Variants in CLK4 observed in about 807,000 individuals in gnomAD.
CLK4 encodes the protein CDC like kinase 4.
CLK4 carries 37 observed loss-of-function variants against 64.4 expected under a neutral mutation model. The observed-to-expected ratio is 0.57, with a 90% CI of 0.44 to 0.76. The LOEUF (loss-of-function observed/expected upper bound fraction) is 0.76, where lower values mean the gene tolerates loss of function less well. CLK4 is among the 30% of genes least tolerant of loss of function. The pLI is 0.00. For missense variants in CLK4, 457 were observed against 605.1 expected, an observed-to-expected ratio of 0.76 and a Z score of 2.57; for synonymous variants, 175 against 191.6, an observed-to-expected ratio of 0.91 and a Z score of 0.72.
At chr5:178,615,303 T>C (rs1437790072) in intron 5 of CLK4, among the ~76,000 whole-genome samples, 2 of 152,230 alleles carry the variant, frequency 1.3e-5, no homozygotes, top group African/African-American at 4.8e-5. Flanking sequence ...AGTCTGCAGA[T>C]TAGTTGGCAA....
At chr5:178,625,691 T>A (rs1764769533) in intron 1 of CLK4, among the ~76,000 whole-genome samples, 1 of 152,156 alleles carries the variant, frequency 6.6e-6, no homozygotes, top group Non-Finnish European at 1.5e-5. Context: ...CCAGCTAACC[T>A]CCAGCAAAAC....
intron 2 of CLK4, chr5:178,620,141 C>T (rs1764689802): frequency 1.7e-5 from 5 of 299,896 alleles, no homozygotes; most frequent in South Asian, 1.5e-4. Context: ...TTCTCTTTCC[C>T]TAGCATCAGC....
In CLK4 at chr5:178,618,381, G is replaced by C. The variant is rs1162481907; in HGVS notation, c.384+175C>G. ...ATGAGGGCTAGCTAATAAATATACA[G>C]ATCAGCTACAAGAATTTGGAGGTTT... On this transcript the variant is annotated intron_variant, in intron 3 of 12. Coordinates refer to ENST00000316308, the MANE Select transcript of CLK4 (RefSeq NM_020666.3). 1.7e-5 allele frequency: 4 copies of C among 237,242 alleles called. No homozygotes were observed. The East Asian group carries it at 3.4e-4, about 20-fold the overall frequency. 14.7% of individuals were successfully genotyped at this position (237,242 alleles called of 1,614,324 possible). A position where few individuals can be genotyped will look rare whatever the true frequency, so the allele number is the denominator to read the frequency against.
At position 178,603,525 on chromosome 5, in the gene CLK4, T is replaced by C. The variant is rs568326359; in HGVS notation, c.*92A>G. On this transcript the variant is annotated 3_prime_UTR_variant, in exon 13 of 13. Coordinates refer to ENST00000316308, the MANE Select transcript of CLK4 (RefSeq NM_020666.3). Reference sequence around the variant, plus strand: ...CACTTAACTGTACAAAATAATTTAATGTTTACAAAAATATTAGAATGTTTA... The same window carrying C: ...CACTTAACTGTACAAAATAATTTAACGTTTACAAAAATATTAGAATGTTTA... 323 of 890,788 alleles carry C rather than the reference T, an allele frequency of 3.6e-4. 4 individuals carry two copies. In the South Asian group the frequency reaches 8.6e-3, roughly 24 times the overall value. The allele number at this position is 890,788 out of a possible 1,614,324, so 55.2% of individuals were successfully genotyped here. A position where few individuals can be genotyped will look rare whatever the true frequency, so the allele number is the denominator to read the frequency against.
intron 10 of CLK4, among the ~76,000 whole-genome samples, chr5:178,607,918 C>A (rs1347016119): frequency 6.6e-6 from 1 of 152,156 alleles, no homozygotes; most frequent in Non-Finnish European, 1.5e-5. Context: ...GTCTCTTCAC[C>A]TTTATGTACT....
chr5:178,603,771 G>A lies in CLK4; in HGVS notation c.1306-14C>T, dbSNP rs753676203. ...AAGCATAAATTCCTGGGGGAGAAAT[G>A]TTTTTGTTTTAAAAAAAATTATTAA... is the stretch of plus-strand genomic sequence containing the variant. On this transcript the variant is annotated splice_polypyrimidine_tract_variant and intron_variant, in intron 12 of 12. Coordinates refer to ENST00000316308, the MANE Select transcript of CLK4 (RefSeq NM_020666.3). 3.2e-6 allele frequency: 5 copies of A among 1,579,246 alleles called. No homozygotes were observed. In the African/African-American group the frequency reaches 4.1e-5, roughly 13 times the overall value.
chr5:178,606,571 C>T (rs1397686285), intron 10 of CLK4, among the ~76,000 whole-genome samples: 1 of 152,162 alleles, frequency 6.6e-6, no homozygotes, highest in Non-Finnish European at 1.5e-5. Context: ...GCTGGGATCT[C>T]CAGCCCCTCT....
At chr5:178,607,023 G>C (rs767497411) in intron 10 of CLK4, among the ~76,000 whole-genome samples, 74 of 150,988 alleles carry the variant, frequency 4.9e-4, no homozygotes, top group Non-Finnish European at 7.2e-4. Flanking sequence ...GAGTGGAAAA[G>C]AAAGTAGAGT....
chr5:178,603,862 TCTC>T lies in CLK4; in HGVS notation c.1284_1286del (p.Arg430del), dbSNP rs779820769. On this transcript the variant is annotated inframe_deletion, in exon 12 of 13. Transcript: ENST00000316308. Reference sequence around the variant, plus strand: ...CTTTTACCTTCAACGGTTTGCAGCGTCTCCTAACATATCTACCAGCAGAACTGT... The same window carrying T: ...CTTTTACCTTCAACGGTTTGCAGCGTCTAACATATCTACCAGCAGAACTGT... 6.2e-7 allele frequency: 1 copy of T among 1,610,228 alleles called. No homozygotes were observed. The highest frequency in any genetic ancestry group is 8.5e-7 in the Non-Finnish European group (1 of 1,179,010).
In CLK4 at chr5:178,617,020, T is replaced by G; in HGVS notation, c.476-72A>C. On this transcript the variant is annotated intron_variant, in intron 4 of 12. Transcript: ENST00000316308. The surrounding 1 kb of genome is among the most constrained non-coding windows in gnomAD (Gnocchi z 5.2). The stretch of plus-strand genomic sequence containing the variant: ...GTCTAGTTCTTCAAACAATGAATGC[T>G]TAAGTGTGGAATATTTTCAAATGAT... 1 of 987,536 alleles carries G rather than the reference T, an allele frequency of 1.0e-6. No homozygotes were observed. Among genetic ancestry groups the G allele is most frequent in the Non-Finnish European group, 1.6e-6 (1 of 623,834 alleles). 61.2% of individuals were successfully genotyped at this position (987,536 alleles called of 1,614,324 possible).
intron 9 of CLK4, among the ~76,000 whole-genome samples, chr5:178,609,956 C>T (rs988209176): frequency 6.6e-6 from 1 of 151,790 alleles, no homozygotes; most frequent in African/African-American, 2.4e-5. Context: ...CCTATTAACA[C>T]ATACAAAATC....
At chr5:178,625,834 C>A (rs1764771873) in intron 1 of CLK4, among the ~76,000 whole-genome samples, 1 of 152,230 alleles carries the variant, frequency 6.6e-6, no homozygotes, top group East Asian at 1.9e-4. Flanking sequence ...TGACCTCCCC[C>A]ACTCACCCTG....
At chr5:178,626,576 T>G (rs1468114349) in intron 1 of CLK4, among the ~76,000 whole-genome samples, 1 of 152,198 alleles carries the variant, frequency 6.6e-6, no homozygotes, top group South Asian at 2.1e-4. Context: ...AGACTTGATC[T>G]CCGACAACAC....
intron 2 of CLK4, chr5:178,619,912 G>C (rs1562130441): frequency 1.6e-6 from 1 of 606,370 alleles, no homozygotes; most frequent in Admixed American, 2.3e-5. Context: ...GGAGAGAGGG[G>C]ACACCTGCCC....
intron 1 of CLK4, among the ~76,000 whole-genome samples, chr5:178,624,528 T>C (rs983282646): frequency 6.6e-6 from 1 of 151,628 alleles, no homozygotes. Context: ...CTCCAGTGCA[T>C]AACCTGGGTT....
At chr5:178,606,319 A>G (rs1764466837) in intron 10 of CLK4, among the ~76,000 whole-genome samples, 1 of 152,228 alleles carries the variant, frequency 6.6e-6, no homozygotes, top group Admixed American at 6.5e-5. Context: ...TCACCACTGC[A>G]AAACCAGACA....
chr5:178,615,196 A>T (rs935225603), intron 5 of CLK4, among the ~76,000 whole-genome samples: 3 of 152,124 alleles, frequency 2.0e-5, no homozygotes, highest in Non-Finnish European at 4.4e-5. Context: ...TTAAAAAAAA[A>T]TTTTTTTTAA....
chr5:178,619,792 A>G (rs1183732571), intron 2 of CLK4: 4 of 1,288,862 alleles, frequency 3.1e-6, no homozygotes, highest in Non-Finnish European at 4.0e-6. Flanking sequence ...GATGGAAAGA[A>G]AAGGACATAG....
chr5:178,603,935 C>CA lies in CLK4; in HGVS notation c.1215-2_1215-1insT. 1 of 1,560,252 alleles carries CA rather than the reference C, an allele frequency of 6.4e-7. No homozygotes were observed. The highest frequency in any genetic ancestry group is 1.9e-5 in the Admixed American group (1 of 52,652). On this transcript the variant is annotated splice_acceptor_variant, in intron 11 of 12. Transcript: ENST00000316308. LOFTEE classifies it high-confidence loss of function. ...GTTATGGTGAAAATACTTGCGTTTTCTACAGAAAAAAAAAAAAAGTCTGGA... is the reference window on the plus strand; with the variant it reads ...GTTATGGTGAAAATACTTGCGTTTTCATACAGAAAAAAAAAAAAAGTCTGGA...
Sources: gnomAD v4.1 joint callset for allele counts (sites outside exome capture counted in the v4.1 genomes callset) on GRCh38, gnomAD v4.1.1 for gene constraint, Gnocchi (gnomAD v3.1) non-coding constraint, MANE v1.5 for transcripts, NCBI Gene and HGNC (gene_info 2026-07-23, HGNC 2026-07-21) for gene names.